Variants in DCDC1 observed in about 807,000 individuals in gnomAD.
The protein encoded by DCDC1 is doublecortin domain-containing protein 1.
DCDC1 carries 200 observed loss-of-function variants against 178.3 expected under a neutral mutation model. That is an observed-to-expected ratio of 1.12 (90% CI 1.00 to 1.26). The LOEUF (loss-of-function observed/expected upper bound fraction) is 1.26. Among genes scored for constraint, DCDC1 ranks in the 50% most tolerant of loss-of-function variants. DCDC1 has a pLI of 0.00. For missense variants in DCDC1, 1,983 were observed against 1,749.2 expected (o/e 1.13, Z -2.38); for synonymous variants, 690 against 604.8 (o/e 1.14, Z -2.07).
Position 31,227,770 on chromosome 11 carries a change from G to A in DCDC1, c.1221+13680C>T, listed in dbSNP as rs1002810402. Among the ~76,000 whole-genome samples the A allele has an allele frequency of 6.8e-4, 104 of 151,954 alleles. 2 individuals are homozygous for A. Among genetic ancestry groups the A allele is most frequent in the Non-Finnish European group, 1.5e-4 (10 of 67,960 alleles). ...TTATTTCTACAAGACAGAATATAAAGATATAGGTAAGTTAAAATTAAAGGA... is the reference window on the plus strand; with the variant it reads ...TTATTTCTACAAGACAGAATATAAAAATATAGGTAAGTTAAAATTAAAGGA... On this transcript the variant is annotated intron_variant, in intron 9 of 38. Transcript: ENST00000684477.
chr11:31,332,853 T>C (rs909908467), intron 2 of DCDC1, among the ~76,000 whole-genome samples: 4 of 152,202 alleles, frequency 2.6e-5, no homozygotes, highest in African/African-American at 9.6e-5. Context: ...AGAATGTATA[T>C]TCTGCTGATC....
In DCDC1 at chr11:31,109,715, C is replaced by T. The variant is rs902799439; in HGVS notation, c.1587+545G>A. The stretch of plus-strand genomic sequence containing the variant: ...ATAACCCCAATTTGTAAACAACAGG[C>T]TGTTCAGTGTCCTTTTATGCAAGAC... On this transcript the variant is annotated intron_variant, in intron 12 of 38. Coordinates refer to ENST00000684477, the MANE Select transcript of DCDC1 (RefSeq NM_001387274.1). Among the ~76,000 whole-genome samples, 5 of 152,262 alleles carry T rather than the reference C, an allele frequency of 3.3e-5. No homozygotes were observed. In the South Asian group the frequency reaches 1.0e-3, roughly 32 times the overall value.
At chr11:30,888,059 A>AG in intron 36 of DCDC1, among the ~76,000 whole-genome samples, 7 of 72,634 alleles carry the variant, frequency 9.6e-5, no homozygotes, top group Admixed American at 3.0e-4. Context: ...AGAAAGAAAG[A>AG]AAGAGAGAGA....
chr11:31,005,048 TA>T (rs1184144019), intron 20 of DCDC1, among the ~76,000 whole-genome samples: 1 of 152,218 alleles, frequency 6.6e-6, no homozygotes, highest in Non-Finnish European at 1.5e-5. Flanking sequence ...TATGATATTT[TA>T]TATCTCTCTA....
intron 3 of DCDC1, among the ~76,000 whole-genome samples, chr11:31,310,165 T>C (rs975329166): frequency 1.3e-5 from 2 of 152,148 alleles, no homozygotes; most frequent in African/African-American, 4.8e-5. Context: ...ATTTATTACT[T>C]GGTTTTCTCT....
At chr11:31,289,719 C>A (rs889054170) in intron 7 of DCDC1, among the ~76,000 whole-genome samples, 6 of 151,916 alleles carry the variant, frequency 3.9e-5, no homozygotes, top group African/African-American at 1.4e-4. Context: ...TTTCTGGGTG[C>A]CAGGCATTGT....
intron 3 of DCDC1, among the ~76,000 whole-genome samples, chr11:31,314,993 T>A (rs1948986977): frequency 1.3e-5 from 2 of 152,186 alleles, no homozygotes; most frequent in African/African-American, 4.8e-5. Context: ...AACAACTAAG[T>A]AATCTTTAAG....
rs901891023 is a variant in DCDC1 at position 31,085,656 on chromosome 11, G to GT, written c.2237+5736dup. Reference sequence around the variant, plus strand: ...GGGATGGACATTTGAGTTATTTCTAGTTTTTTTTTCTGTAGGCTTTTAGAA... The same window carrying GT: ...GGGATGGACATTTGAGTTATTTCTAGTTTTTTTTTTCTGTAGGCTTTTAGAA... On this transcript the variant is annotated intron_variant, in intron 17 of 38. Coordinates refer to ENST00000684477, the MANE Select transcript of DCDC1 (RefSeq NM_001387274.1). 2.1e-4 allele frequency among the ~76,000 whole-genome samples: 31 copies of GT among 150,860 alleles called. No individual in the cohort carries two copies. In the East Asian group the frequency reaches 2.9e-3, roughly 14 times the overall value.
intron 9 of DCDC1, among the ~76,000 whole-genome samples, chr11:31,204,108 G>A (rs1279579076): frequency 3.3e-5 from 5 of 152,154 alleles, no homozygotes; most frequent in Admixed American, 3.3e-4. Context: ...CAAGGTATAT[G>A]AATTGAATGC....
intron 9 of DCDC1, among the ~76,000 whole-genome samples, chr11:31,187,927 A>G (rs749338382): frequency 1.3e-5 from 2 of 152,202 alleles, no homozygotes; most frequent in African/African-American, 4.8e-5. Context: ...TAACCCATTT[A>G]TAATAATAAT....
chr11:30,899,421 T>A, intron 34 of DCDC1, 120 bp downstream of exon 34: 1 of 52,234 alleles, frequency 1.9e-5, no homozygotes, highest in Non-Finnish European at 3.5e-5. Flanking sequence ...ACAATATTTA[T>A]ATATTGTTTT....
At chr11:31,090,450 C>T (rs1175157358) in intron 17 of DCDC1, among the ~76,000 whole-genome samples, 2 of 152,072 alleles carry the variant, frequency 1.3e-5, no homozygotes, top group African/African-American at 4.8e-5. Context: ...ACCTCAATAT[C>T]CTCACCTGTA....
intron 2 of DCDC1, among the ~76,000 whole-genome samples, chr11:31,331,129 G>A (rs1949959990): frequency 6.6e-6 from 1 of 152,050 alleles, no homozygotes; most frequent in Non-Finnish European, 1.5e-5. Context: ...GGATTCCTAG[G>A]TATTTTATTC....
intron 9 of DCDC1, among the ~76,000 whole-genome samples, chr11:31,217,333 A>T (rs1177027162): frequency 1.3e-5 from 2 of 152,214 alleles, no homozygotes; most frequent in African/African-American, 4.8e-5. Context: ...TGGACTTCAA[A>T]GTGATTTTAA....
intron 9 of DCDC1, among the ~76,000 whole-genome samples, chr11:31,160,089 C>A (rs1241686916): frequency 6.6e-6 from 1 of 152,034 alleles, no homozygotes; most frequent in Non-Finnish European, 1.5e-5. Context: ...TGACTATAAG[C>A]CCTTAGTCAT....
chr11:31,090,522 T>G (rs1055558537), intron 17 of DCDC1, among the ~76,000 whole-genome samples: 1 of 152,194 alleles, frequency 6.6e-6, no homozygotes, highest in Non-Finnish European at 1.5e-5. Flanking sequence ...CAATGAGATT[T>G]AAGGACATTA....
At chr11:31,239,517 A>C (rs2136875388) in intron 9 of DCDC1, among the ~76,000 whole-genome samples, 1 of 152,102 alleles carries the variant, frequency 6.6e-6, no homozygotes, top group Middle Eastern at 3.4e-3. Context: ...AATTTACATA[A>C]AAATACATAA....
At chr11:31,174,482 A>G (rs2136240513) in intron 9 of DCDC1, among the ~76,000 whole-genome samples, 1 of 152,318 alleles carries the variant, frequency 6.6e-6, no homozygotes, top group East Asian at 1.9e-4. Flanking sequence ...CAGCATGAAC[A>G]GTATGGGAAC....
At chr11:31,359,195 C>A (rs1951567575) in intron 1 of DCDC1, among the ~76,000 whole-genome samples, 1 of 152,034 alleles carries the variant, frequency 6.6e-6, no homozygotes, top group Non-Finnish European at 1.5e-5. Context: ...AAATGTCCAA[C>A]AATGATAGAC....
Sources: gnomAD v4.1 joint callset for allele counts (sites outside exome capture counted in the v4.1 genomes callset) on GRCh38, gnomAD v4.1.1 for gene constraint, MANE v1.5 for transcripts, NCBI Gene and HGNC (gene_info 2026-07-23, HGNC 2026-07-21) for gene names.